The following SLC24A3 variants were observed in gnomAD, a reference collection of about 807,000 sequenced individuals.
SLC24A3 encodes the protein sodium/potassium/calcium exchanger 3.
Under a neutral mutation model 75.8 loss-of-function variants are expected in SLC24A3, and 28 were observed. The ratio of observed to expected loss-of-function variants is 0.37; its 90% CI spans 0.27 to 0.51. SLC24A3 has a LOEUF of 0.51. SLC24A3 is among the 20% of genes least tolerant of loss of function. The pLI is 0.94. For missense variants in SLC24A3, 663 were observed against 847.8 expected, an observed-to-expected ratio of 0.78 and a Z score of 2.71; for synonymous variants, 372 against 334.1, an observed-to-expected ratio of 1.11 and a Z score of -1.24.
chr20:19,330,858 C>T (rs1015597699), intron 2 of SLC24A3, among the ~76,000 whole-genome samples: 7 of 152,200 alleles, frequency 4.6e-5, no homozygotes, highest in African/African-American at 1.7e-4. Flanking sequence ...ACCAAGGAGA[C>T]CGATGGTCAT....
At chr20:19,372,892 A>G (rs1986016110) in intron 2 of SLC24A3, among the ~76,000 whole-genome samples, 1 of 152,176 alleles carries the variant, frequency 6.6e-6, no homozygotes, top group African/African-American at 2.4e-5. Context: ...TGGCATCAGA[A>G]GGCAAATATA....
intron 7 of SLC24A3, among the ~76,000 whole-genome samples, chr20:19,663,248 A>T (rs2032350750): frequency 6.6e-6 from 1 of 151,656 alleles, no homozygotes; most frequent in Non-Finnish European, 1.5e-5. Flanking sequence ...AGATTTTCTC[A>T]GAGTCCTGAT....
In SLC24A3 at chr20:19,251,164, C is replaced by G. The variant is rs1341438075; in HGVS notation, c.143-29795C>G. Among the ~76,000 whole-genome samples, 3 of 152,150 alleles carry G rather than the reference C, an allele frequency of 2.0e-5. No homozygotes were observed. In the East Asian group the frequency reaches 5.8e-4, roughly 29 times the overall value. On this transcript the variant is annotated intron_variant, in intron 1 of 16. Coordinates refer to ENST00000328041, the MANE Select transcript of SLC24A3 (RefSeq NM_020689.4). ...CAGAATGGAAAACCCAGCTCACCCT[C>G]TAAATGGAAGATAATGTAAGCAAAG...
chr20:19,439,606 C>G (rs1196853885), intron 2 of SLC24A3, among the ~76,000 whole-genome samples: 4 of 152,184 alleles, frequency 2.6e-5, no homozygotes, highest in African/African-American at 9.7e-5. Context: ...TAGCCTGATT[C>G]ACCAAAAACA....
At chr20:19,403,119 C>T (rs902010438) in intron 2 of SLC24A3, among the ~76,000 whole-genome samples, 12 of 152,154 alleles carry the variant, frequency 7.9e-5, no homozygotes, top group Non-Finnish European at 1.5e-4. Flanking sequence ...TGAGACATCA[C>T]ATAGAACAGA....
intron 2 of SLC24A3, among the ~76,000 whole-genome samples, chr20:19,346,215 TGTATATGTATATATGGTATATATATATG>T (rs1163965363): frequency 0.028 from 2,992 of 106,086 alleles, 467 homozygotes; most frequent in Non-Finnish European, 0.036. Flanking sequence ...ATATATATGG[TGTATATGTATATATGGTATATATATATG>T]GTGTATATAT....
chr20:19,637,316 GT>G (rs2032013996), intron 6 of SLC24A3, among the ~76,000 whole-genome samples: 1 of 152,106 alleles, frequency 6.6e-6, no homozygotes. Flanking sequence ...ACAAAAAATT[GT>G]TCTTAAAATT....
rs546383146 is a variant in SLC24A3 at position 19,213,142 on chromosome 20, C to T, written c.142+158C>T. On this transcript the variant is annotated intron_variant, in intron 1 of 16. Coordinates refer to ENST00000328041, the MANE Select transcript of SLC24A3 (RefSeq NM_020689.4). ...TGGGATGCCAGGCACGAGGACTCCC[C>T]CTGCCCCACGCAGAGGCATGGAGGT... 5.0e-6 allele frequency: 4 copies of T among 806,048 alleles called. No homozygotes were observed. In the African/African-American group the frequency reaches 5.4e-5, roughly 11 times the overall value. The allele number at this position is 806,048 out of a possible 1,614,324, so 49.9% of individuals were successfully genotyped here. A position where few individuals can be genotyped will look rare whatever the true frequency, so the allele number is the denominator to read the frequency against.
intron 2 of SLC24A3, among the ~76,000 whole-genome samples, chr20:19,496,911 G>A (rs1600253672): frequency 6.6e-6 from 1 of 152,154 alleles, no homozygotes; most frequent in East Asian, 1.9e-4. Flanking sequence ...AACAGCACCA[G>A]GCCTGTTCTT....
intron 2 of SLC24A3, among the ~76,000 whole-genome samples, chr20:19,416,428 C>T (rs1986828455): frequency 6.6e-6 from 1 of 152,114 alleles, no homozygotes; most frequent in South Asian, 2.1e-4. Flanking sequence ...AAAATCCTTT[C>T]AATAAATTGT....
chr20:19,702,672 ACCACT>A (rs1451672990), intron 15 of SLC24A3, among the ~76,000 whole-genome samples: 31 of 152,312 alleles, frequency 2.0e-4, no homozygotes, highest in Middle Eastern at 6.8e-3. Flanking sequence ...TCCAATGCAG[ACCACT>A]CTTTTGAAAG....
At position 19,580,088 on chromosome 20, in the gene SLC24A3, A is replaced by G. The variant is rs2122631916; in HGVS notation, c.423+14A>G. 2 of 1,610,522 alleles carry G rather than the reference A, an allele frequency of 1.2e-6. No homozygotes were observed. Among genetic ancestry groups the G allele is most frequent in the South Asian group, 2.2e-5 (2 of 90,960 alleles). ...AAGATCTGTGAGGTACGTGCCTCAC[A>G]TTCTTGGTATGTGTGAGCCAGACTG... On this transcript the variant is annotated intron_variant, in intron 4 of 16. Coordinates refer to ENST00000328041, the MANE Select transcript of SLC24A3 (RefSeq NM_020689.4).
intron 8 of SLC24A3, among the ~76,000 whole-genome samples, chr20:19,668,158 G>A (rs1004878080): frequency 3.3e-5 from 5 of 152,206 alleles, no homozygotes; most frequent in Non-Finnish European, 5.9e-5. Flanking sequence ...GTTATTACAC[G>A]CATGGGCTGA....
chr20:19,544,800 CAGAA>C (rs2030560316), intron 3 of SLC24A3, among the ~76,000 whole-genome samples: 1 of 152,074 alleles, frequency 6.6e-6, no homozygotes, highest in Non-Finnish European at 1.5e-5. Flanking sequence ...CCAGATGGGA[CAGAA>C]AGAAAGGGAG....
intron 1 of SLC24A3, among the ~76,000 whole-genome samples, chr20:19,268,043 T>C (rs1983219574): frequency 1.3e-5 from 2 of 152,218 alleles, no homozygotes; most frequent in Admixed American, 1.3e-4. Context: ...CCCCATCTCA[T>C]TTCAAAATAT....
chr20:19,627,360 T>G (rs2031878278), intron 6 of SLC24A3, among the ~76,000 whole-genome samples: 1 of 152,220 alleles, frequency 6.6e-6, no homozygotes, highest in Non-Finnish European at 1.5e-5. Context: ...TCCTACTATC[T>G]CCATAGTATT....
At chr20:19,447,581 A>C (rs73900159) in intron 2 of SLC24A3, among the ~76,000 whole-genome samples, 3,178 of 152,324 alleles carry the variant, frequency 0.021, 101 homozygotes, top group East Asian at 0.1. Context: ...AAAATAAAAC[A>C]AAACAAATAA....
intron 2 of SLC24A3, among the ~76,000 whole-genome samples, chr20:19,315,454 A>G (rs1160489273): frequency 2.0e-5 from 3 of 152,200 alleles, no homozygotes; most frequent in Non-Finnish European, 1.5e-5. Flanking sequence ...TTCTGGAAAG[A>G]GGCAAGATTT....
chr20:19,514,930 G>A (rs1227586820), intron 2 of SLC24A3, among the ~76,000 whole-genome samples: 3 of 152,194 alleles, frequency 2.0e-5, no homozygotes, highest in Admixed American at 1.3e-4. Context: ...GTCAGGCAAA[G>A]TGGAAAAGGA....
Sources: allele counts gnomAD v4.1 joint callset (sites outside exome capture counted in the v4.1 genomes callset), GRCh38; gene constraint gnomAD v4.1.1; transcripts MANE v1.5; gene names NCBI Gene and HGNC (gene_info 2026-07-23, HGNC 2026-07-21).